Variants in NUMB observed in about 807,000 individuals in gnomAD.
NUMB encodes the protein NUMB endocytic adaptor protein.
A neutral mutation model predicts 59.7 loss-of-function variants in NUMB; 29 were observed. The ratio of observed to expected loss-of-function variants is 0.49; its 90% CI spans 0.36 to 0.66. The LOEUF is 0.66. NUMB is among the 30% of genes least tolerant of loss of function. The probability of loss-of-function intolerance (pLI) is 0.00; values close to 1 mark genes in which losing one functional copy is unlikely to be tolerated. For synonymous variants in NUMB, 288 were observed against 288.2 expected (o/e 1.00, Z 0.01); for missense variants, 723 against 822.0 (o/e 0.88, Z 1.47).
intron 4 of NUMB, among the ~76,000 whole-genome samples, chr14:73,347,869 T>C (rs972741447): frequency 1.3e-5 from 2 of 152,204 alleles, no homozygotes; most frequent in Non-Finnish European, 2.9e-5. Flanking sequence ...CTTTAATTTA[T>C]GTACGGTCAG....
chr14:73,385,225 T>A lies in NUMB; in HGVS notation c.-100-18244A>T, dbSNP rs551893849. Among the ~76,000 whole-genome samples the A allele has an allele frequency of 4.0e-5, 6 of 151,754 alleles. No individual in the cohort carries two copies. The South Asian group carries it at 1.2e-3, about 32-fold the overall frequency. ...GTCGCCCAAGCTGGAAGTGGTATGA[T>A]CATAGCTCACTGCAGCCTTGACCTC... On this transcript the variant is annotated intron_variant, in intron 2 of 12. Coordinates refer to ENST00000555238, the MANE Select transcript of NUMB (RefSeq NM_001005743.2).
intron 2 of NUMB, among the ~76,000 whole-genome samples, chr14:73,386,867 A>ATTTTTTTTTTTTTTTTTTTT (rs71112745): frequency 1.3e-5 from 1 of 79,852 alleles, no homozygotes; most frequent in Admixed American, 1.8e-4. Flanking sequence ...CAGGTGTCTT[A>ATTTTTTTTTTTTTTTTTTTT]TTTTTTTTTT....
In NUMB at chr14:73,282,376, T is replaced by A; in HGVS notation, c.1079A>T (p.Gln360Leu). Reference protein sequence around the residue: ...MTKPVTVVAPQSPTFQANGTD... With the variant: ...MTKPVTVVAPLSPTFQANGTD... The stretch of plus-strand genomic sequence containing the variant: ...GCACCAACCTTGGAAGGTAGGAGAT[T>A]GTGGTGCCACCACTGTCACTGGTTT... The change falls in exon 11 of 13, where the codon CAA becomes CTA. Residue 360 changes from glutamine to leucine, a missense_variant. By Grantham distance (113) the Gln-to-Leu change is moderately radical (BLOSUM62 -2). Around this residue, in one of 2 missense-constraint regions of NUMB, gnomAD observed 406 missense variants for 385.4 expected, o/e 1.05. Transcript: ENST00000555238. 1 of 1,614,114 alleles carries A rather than the reference T, an allele frequency of 6.2e-7. No homozygotes were observed. Among genetic ancestry groups the A allele is most frequent in the Non-Finnish European group, 8.5e-7 (1 of 1,180,004 alleles).
chr14:73,420,209 G>C (rs185256972), intron 1 of NUMB, among the ~76,000 whole-genome samples: 2 of 152,352 alleles, frequency 1.3e-5, no homozygotes, highest in South Asian at 2.1e-4. Flanking sequence ...CCAGGTATGA[G>C]AGCAGTGTTC....
chr14:73,445,377 A>C (rs1187152032), intron 1 of NUMB, among the ~76,000 whole-genome samples: 1,513 of 143,102 alleles, frequency 0.011, 99 homozygotes, highest in African/African-American at 0.036. Context: ...AAAAAAAAAA[A>C]AAAAAAAAAA....
At chr14:73,304,859 C>T (rs983510433) in intron 6 of NUMB, among the ~76,000 whole-genome samples, 26 of 152,114 alleles carry the variant, frequency 1.7e-4, no homozygotes, top group African/African-American at 6.3e-4. Context: ...CTCCTGCGTT[C>T]AAGCGATTCT....
At chr14:73,455,034 T>C (rs866533709) in intron 1 of NUMB, among the ~76,000 whole-genome samples, 1 of 152,210 alleles carries the variant, frequency 6.6e-6, no homozygotes, top group Non-Finnish European at 1.5e-5. Context: ...ATTTATTTTG[T>C]GAAAAGTCTG....
At chr14:73,317,027 C>T (rs1018460775) in intron 5 of NUMB, among the ~76,000 whole-genome samples, 1 of 152,180 alleles carries the variant, frequency 6.6e-6, no homozygotes, top group Non-Finnish European at 1.5e-5. Flanking sequence ...TTAAGGGGAG[C>T]TTGACCATTG....
At chr14:73,444,585 C>T (rs1178231648) in intron 1 of NUMB, among the ~76,000 whole-genome samples, 10 of 151,990 alleles carry the variant, frequency 6.6e-5, no homozygotes, top group Non-Finnish European at 1.5e-4. Flanking sequence ...ACTATATATA[C>T]ATACATACAT....
chr14:73,436,977 C>CA (rs1345788600), intron 1 of NUMB, among the ~76,000 whole-genome samples: 1 of 143,378 alleles, frequency 7.0e-6, no homozygotes, highest in Non-Finnish European at 1.5e-5. Flanking sequence ...GACTCCATCT[C>CA]AAAAAAATAA....
At chr14:73,294,950 T>TA (rs61179657) in intron 7 of NUMB, among the ~76,000 whole-genome samples, 511 of 24,374 alleles carry the variant, frequency 0.021, 8 homozygotes, top group Non-Finnish European at 0.027. Flanking sequence ...AACCCATCTC[T>TA]AAAAAAAAAA....
chr14:73,361,675 A>G (rs1894103152), intron 3 of NUMB, among the ~76,000 whole-genome samples: 3 of 152,064 alleles, frequency 2.0e-5, no homozygotes, highest in African/African-American at 7.2e-5. Context: ...AGTTCTTATC[A>G]TTTAGCTCCC....
rs749445370 is a variant in NUMB at position 73,287,265 on chromosome 14, T to A, written c.500A>T (p.Glu167Val). The A allele has an allele frequency of 6.2e-7, 1 of 1,613,760 alleles. No individual in the cohort carries two copies. Among genetic ancestry groups the A allele is most frequent in the South Asian group, 1.1e-5 (1 of 91,064 alleles). Residue 167 changes from glutamate (E) to valine (V), a missense_variant, in exon 9 of 13, where the codon GAG (glutamate) becomes GTG (valine). Physicochemically the swap from Glu to Val is moderately radical, Grantham distance 121. Around this residue, in one of 2 missense-constraint regions of NUMB, gnomAD observed 317 missense variants for 436.6 expected, o/e 0.73. Coordinates refer to ENST00000555238, the MANE Select transcript of NUMB (RefSeq NM_001005743.2). ...AVGCAFAACLERKQKREKECG... is the reference protein window; with the variant it reads ...AVGCAFAACLVRKQKREKECG... ...TTCCTTCTCCCGCTTCTGCTTGCGC[T>A]CTAAACAGGCTGCAAAAGCACAGCC...
At chr14:73,420,531 A>G (rs1897309697) in intron 1 of NUMB, among the ~76,000 whole-genome samples, 1 of 152,034 alleles carries the variant, frequency 6.6e-6, no homozygotes, top group Admixed American at 6.6e-5. Flanking sequence ...TTAAAAATTC[A>G]TTGTTAGGCC....
At chr14:73,349,994 G>A (rs529873370) in intron 4 of NUMB, among the ~76,000 whole-genome samples, 10 of 151,998 alleles carry the variant, frequency 6.6e-5, no homozygotes, top group East Asian at 3.9e-4. Flanking sequence ...GCAGTGAGGC[G>A]TGGTTGCACC....
intron 2 of NUMB, among the ~76,000 whole-genome samples, chr14:73,368,240 A>C (rs1221564972): frequency 6.6e-6 from 1 of 152,174 alleles, no homozygotes; most frequent in African/African-American, 2.4e-5. Flanking sequence ...AGAAAATTAC[A>C]CAAGCAAAAT....
intron 6 of NUMB, among the ~76,000 whole-genome samples, chr14:73,306,491 CATCTT>C (rs1388692074): frequency 2.6e-5 from 4 of 152,200 alleles, no homozygotes; most frequent in African/African-American, 9.7e-5. Context: ...ATCTGGGTCT[CATCTT>C]CTGTTTCCTT....
chr14:73,378,922 G>T (rs1209378580), intron 2 of NUMB, among the ~76,000 whole-genome samples: 1 of 152,200 alleles, frequency 6.6e-6, no homozygotes, highest in Non-Finnish European at 1.5e-5. Context: ...GATGTGTGCT[G>T]GAAGTTGATA....
intron 12 of NUMB, among the ~76,000 whole-genome samples, chr14:73,278,226 T>TA (rs1363895682): frequency 1.3e-5 from 2 of 152,080 alleles, no homozygotes; most frequent in African/African-American, 4.8e-5. Context: ...TATTACTATG[T>TA]TAAAACCTTT....
Sources: allele counts gnomAD v4.1 joint callset (sites outside exome capture counted in the v4.1 genomes callset), GRCh38; gene constraint gnomAD v4.1.1; regional missense constraint gnomAD v4.1.1; transcripts MANE v1.5; gene names NCBI Gene and HGNC (gene_info 2026-07-23, HGNC 2026-07-21).